Variants in LARGE1 observed in about 807,000 individuals in gnomAD.
LARGE1 encodes the protein LARGE xylosyl- and glucuronyltransferase 1, also known as xylosyl- and glucuronyltransferase LARGE1.
A neutral mutation model predicts 87.6 loss-of-function variants in LARGE1; 43 were observed. The observed-to-expected ratio is 0.49, with a 90% CI of 0.38 to 0.63. LARGE1 has a LOEUF of 0.63. LARGE1 is among the 30% of genes least tolerant of loss of function. LARGE1 has a pLI of 0.00. For missense variants in LARGE1, 802 were observed against 1,000.2 expected (o/e 0.80, Z 2.67); for synonymous variants, 434 against 394.6 (o/e 1.10, Z -1.18).
chr22:33,447,908 G>A (rs1410630975), intron 6 of LARGE1, among the ~76,000 whole-genome samples: 1 of 152,128 alleles, frequency 6.6e-6, no homozygotes, highest in Non-Finnish European at 1.5e-5. Flanking sequence ...ATAAAAAGGA[G>A]CACAGTACTA....
intron 1 of LARGE1, among the ~76,000 whole-genome samples, chr22:33,906,714 G>A (rs1015818518): frequency 6.6e-6 from 1 of 152,128 alleles, no homozygotes; most frequent in African/African-American, 2.4e-5. Context: ...CAGGTGATTA[G>A]TGGGCAACCA....
At chr22:33,330,268 A>T (rs189033135) in intron 10 of LARGE1, among the ~76,000 whole-genome samples, 1 of 152,180 alleles carries the variant, frequency 6.6e-6, no homozygotes, top group Admixed American at 6.5e-5. Flanking sequence ...TGATTATCCA[A>T]CTATGTTCTG....
intron 9 of LARGE1, among the ~76,000 whole-genome samples, chr22:33,362,801 G>A (rs1179008648): frequency 6.7e-6 from 1 of 149,938 alleles, no homozygotes; most frequent in African/African-American, 2.5e-5. Flanking sequence ...TTGCTTTTGT[G>A]TTAGGTGTGG....
the LARGE1 span, among the ~76,000 whole-genome samples, chr22:33,120,368 T>TTTTCTTTC: frequency 1.3e-5 from 1 of 77,106 alleles, no homozygotes; most frequent in African/African-American, 7.5e-5. Context: ...TTTTCTTTCT[T>TTTTCTTTC]TCTTTCTTTC....
At chr22:33,277,347 A>C (rs1929526832) in intron 13 of LARGE1, 92 bp from the exon 14 acceptor site, 12 of 1,220,808 alleles carry the variant, frequency 9.8e-6, no homozygotes, top group Non-Finnish European at 1.4e-5. Flanking sequence ...GTGTACACTG[A>C]TGTAGTCCTC....
intron 1 of LARGE1, among the ~76,000 whole-genome samples, chr22:33,800,766 T>C (rs1446114387): frequency 2.0e-5 from 3 of 152,220 alleles, no homozygotes; most frequent in Admixed American, 6.5e-5. Flanking sequence ...ACTGCAAGGA[T>C]ATACATTTTG....
chr22:33,181,371 A>G (rs1923151280), intron 11 of LARGE1, among the ~76,000 whole-genome samples: 2 of 152,134 alleles, frequency 1.3e-5, no homozygotes, highest in South Asian at 4.2e-4. Flanking sequence ...TCTCAGATCA[A>G]TTGATGAGCA....
At chr22:33,496,067 A>G (rs1293513865) in intron 6 of LARGE1, among the ~76,000 whole-genome samples, 2 of 152,234 alleles carry the variant, frequency 1.3e-5, no homozygotes, top group African/African-American at 4.8e-5. Context: ...CAAGGAAGCC[A>G]GTCCGAGTCC....
chr22:33,423,600 A>C (rs2066771917), intron 7 of LARGE1, among the ~76,000 whole-genome samples: 1 of 150,420 alleles, frequency 6.6e-6, no homozygotes, highest in African/African-American at 2.5e-5. Flanking sequence ...GAATGGCTTG[A>C]ACCCCGGAGA....
intron 6 of LARGE1, among the ~76,000 whole-genome samples, chr22:33,452,777 G>A (rs941230366): frequency 3.9e-5 from 6 of 152,154 alleles, no homozygotes; most frequent in African/African-American, 1.4e-4. Flanking sequence ...GTTTAAATAC[G>A]ACCCCTTGAA....
intron 11 of LARGE1, among the ~76,000 whole-genome samples, chr22:33,211,325 A>G (rs552503840): frequency 2.0e-5 from 3 of 152,348 alleles, no homozygotes; most frequent in Admixed American, 1.3e-4. Context: ...TTCCAGTGAA[A>G]GGAAGACACA....
At chr22:33,560,155 C>T (rs2077812899) in intron 6 of LARGE1, among the ~76,000 whole-genome samples, 1 of 152,160 alleles carries the variant, frequency 6.6e-6, no homozygotes, top group South Asian at 2.1e-4. Flanking sequence ...ACTATGCCTC[C>T]CTAAGCATCA....
intron 2 of LARGE1, among the ~76,000 whole-genome samples, chr22:33,708,576 ATC>A (rs1421269775): frequency 1.3e-5 from 2 of 152,286 alleles, no homozygotes; most frequent in East Asian, 3.9e-4. Flanking sequence ...GAAGTCTGAT[ATC>A]AAAGTGTTGG....
At chr22:33,837,351 CAT>C in intron 1 of LARGE1, among the ~76,000 whole-genome samples, 1 of 151,436 alleles carries the variant, frequency 6.6e-6, no homozygotes, top group East Asian at 1.9e-4. Context: ...ATATAGTATA[CAT>C]ATATGTGTTT....
intron 4 of LARGE1, among the ~76,000 whole-genome samples, chr22:33,614,317 ATCTCATGAAAATATTCACTCTTTTT>A (rs1466028194): frequency 2.6e-5 from 4 of 152,124 alleles, no homozygotes; most frequent in Admixed American, 6.5e-5. Context: ...CCTTGGGGAC[ATCTCATGAAAATATTCACTCTTTTT>A]TCTCATGAAT....
At position 33,396,677 on chromosome 22, in the gene LARGE1, G is replaced by C. The variant is rs556547626; in HGVS notation, c.893-12373C>G. ...ACAAAGAACACAGTCGTCCCTGCCC[G>C]AGAGAGCTTGGAGGTGTTATGGGCA... On this transcript the variant is annotated intron_variant, in intron 7 of 14. Transcript: ENST00000397394. Among the ~76,000 whole-genome samples the C allele has an allele frequency of 4.6e-5, 7 of 152,248 alleles. No individual in the cohort carries two copies. The South Asian group carries it at 1.5e-3, about 32-fold the overall frequency.
At chr22:33,619,991 T>C (rs922945486) in intron 4 of LARGE1, among the ~76,000 whole-genome samples, 5 of 152,154 alleles carry the variant, frequency 3.3e-5, no homozygotes, top group Admixed American at 2.0e-4. Flanking sequence ...AGCTCAGGCC[T>C]GGTAGGAGCA....
chr22:33,110,903 T>C, the LARGE1 span, among the ~76,000 whole-genome samples: 1 of 152,286 alleles, frequency 6.6e-6, no homozygotes, highest in South Asian at 2.1e-4. Flanking sequence ...ATGTATCGCT[T>C]AGATAATAAA....
At chr22:33,232,936 C>A (rs1926081108) in intron 11 of LARGE1, among the ~76,000 whole-genome samples, 1 of 152,160 alleles carries the variant, frequency 6.6e-6, no homozygotes, top group South Asian at 2.1e-4. Context: ...GGAGCAGGAG[C>A]CTGTGCTTAT....
Sources: gnomAD v4.1 joint callset for allele counts (sites outside exome capture counted in the v4.1 genomes callset) on GRCh38, gnomAD v4.1.1 for gene constraint, MANE v1.5 for transcripts, NCBI Gene and HGNC (gene_info 2026-07-23, HGNC 2026-07-21) for gene names.